The following TASP1 variants were observed in gnomAD, a reference collection of about 807,000 sequenced individuals.
TASP1 encodes the protein threonine aspartase 1.
A neutral mutation model predicts 56.6 loss-of-function variants in TASP1; 16 were observed. The observed-to-expected ratio is 0.28, with a 90% confidence interval of 0.19 to 0.43. TASP1 has a LOEUF of 0.43. Ranked by LOEUF, TASP1 falls within the 20% of genes least tolerant of loss-of-function variation. TASP1 has a pLI of 1.00. For missense variants in TASP1, 393 were observed against 511.6 expected (o/e 0.77, Z 2.24); for synonymous variants, 179 against 184.2 (o/e 0.97, Z 0.23).
chr20:13,512,987 C>T (rs1277433825), intron 10 of TASP1, among the ~76,000 whole-genome samples: 1 of 152,158 alleles, frequency 6.6e-6, no homozygotes, highest in African/African-American at 2.4e-5. Flanking sequence ...CAGTACCATG[C>T]TGTTTTGGTT....
chr20:13,484,881 C>G (rs1215050832), intron 10 of TASP1, among the ~76,000 whole-genome samples: 1 of 152,006 alleles, frequency 6.6e-6, no homozygotes. Context: ...AACACAGGAA[C>G]AGAAAACTAA....
intron 1 of TASP1, among the ~76,000 whole-genome samples, chr20:13,630,687 CAAAAAAA>C (rs33973259): frequency 6.1e-5 from 4 of 65,550 alleles, no homozygotes; most frequent in African/African-American, 1.7e-4. Flanking sequence ...AGCTCTGTCT[CAAAAAAA>C]AAAAAAAAAA....
At chr20:13,459,847 C>G (rs569378565) in intron 11 of TASP1, among the ~76,000 whole-genome samples, 1 of 152,224 alleles carries the variant, frequency 6.6e-6, no homozygotes, top group South Asian at 2.1e-4. Context: ...TTCTTGCCTC[C>G]TCAGGGACCT....
At chr20:13,427,723 T>G (rs189824912) in intron 12 of TASP1, among the ~76,000 whole-genome samples, 28 of 152,256 alleles carry the variant, frequency 1.8e-4, no homozygotes, top group Non-Finnish European at 3.5e-4. Context: ...TCCACAGGTG[T>G]TCATTTTATT....
At chr20:13,381,397 C>G in the TASP1 span, among the ~76,000 whole-genome samples, 1 of 152,200 alleles carries the variant, frequency 6.6e-6, no homozygotes, top group Non-Finnish European at 1.5e-5. Context: ...CCTTCATGGG[C>G]CATGCCCACT....
chr20:13,332,661 T>C, the TASP1 span, among the ~76,000 whole-genome samples: 2 of 152,328 alleles, frequency 1.3e-5, no homozygotes, highest in East Asian at 3.9e-4. Context: ...TAACTGGGGA[T>C]TAGTGATGAA....
In TASP1 at chr20:13,389,403, A is replaced by G. The variant is rs2041196492; in HGVS notation, c.*957T>C. The G allele has an allele frequency of 6.6e-6, 1 of 152,232 alleles. No homozygotes were observed. Among genetic ancestry groups the G allele is most frequent in the Non-Finnish European group, 1.5e-5 (1 of 68,042 alleles). 9.4% of individuals were successfully genotyped at this position (152,232 alleles called of 1,614,324 possible). A position where few individuals can be genotyped will look rare whatever the true frequency, so the allele number is the denominator to read the frequency against. ...TAATAGCTCTCTAACCAAGGATTCA[A>G]AAGATAATTTATTAGTCTGAGAAGA... On this transcript the variant is annotated 3_prime_UTR_variant, in exon 14 of 14. Transcript: ENST00000337743.
intron 7 of TASP1, among the ~76,000 whole-genome samples, chr20:13,563,100 G>A (rs1447532192): frequency 2.7e-5 from 4 of 149,950 alleles, no homozygotes; most frequent in Admixed American, 6.6e-5. Flanking sequence ...ATTTTTTTGA[G>A]ACAATGTATA....
intron 12 of TASP1, among the ~76,000 whole-genome samples, chr20:13,418,620 A>T (rs2042338591): frequency 6.6e-6 from 1 of 152,236 alleles, no homozygotes; most frequent in African/African-American, 2.4e-5. Context: ...TTGAAGAAGG[A>T]TGGGCTATTT....
At chr20:13,557,871 C>T (rs2046217976) in intron 8 of TASP1, among the ~76,000 whole-genome samples, 1 of 151,976 alleles carries the variant, frequency 6.6e-6, no homozygotes, top group African/African-American at 2.4e-5. Flanking sequence ...TGCACCTGGC[C>T]TATCATGAAT....
At chr20:13,477,920 G>A (rs570709786) in intron 11 of TASP1, among the ~76,000 whole-genome samples, 39 of 152,226 alleles carry the variant, frequency 2.6e-4, no homozygotes, top group South Asian at 8.3e-4. Flanking sequence ...GGTAATGCAA[G>A]TGGAAACAAA....
the TASP1 span, among the ~76,000 whole-genome samples, chr20:13,317,915 C>A: frequency 8.5e-5 from 1 of 11,750 alleles, no homozygotes; most frequent in South Asian, 7.4e-3. Context: ...ACCAAAGGCA[C>A]TATCCGTGGA....
the TASP1 span, among the ~76,000 whole-genome samples, chr20:13,189,632 A>G: frequency 6.6e-6 from 1 of 152,212 alleles, no homozygotes; most frequent in Admixed American, 6.5e-5. Context: ...CAGAATGGCT[A>G]TTATTAAATA....
the TASP1 span, chr20:13,117,600 G>A: frequency 1.9e-6 from 3 of 1,613,976 alleles, no homozygotes; most frequent in Non-Finnish European, 2.5e-6. Flanking sequence ...CAGTATTGGG[G>A]CCGTGGGCCC....
the TASP1 span, among the ~76,000 whole-genome samples, chr20:13,311,243 T>TAGATAGATGATA: frequency 0.022 from 2,865 of 127,808 alleles, 54 homozygotes; most frequent in East Asian, 0.075. Context: ...GATAGATAGA[T>TAGATAGATGATA]GATAGATAGA....
chr20:13,227,614 T>C, the TASP1 span, among the ~76,000 whole-genome samples: 507 of 151,704 alleles, frequency 3.3e-3, 8 homozygotes, highest in African/African-American at 0.012. Flanking sequence ...CTTCACGCCA[T>C]TCTCCTGCTT....
chr20:13,492,225 C>G (rs2043557790), intron 10 of TASP1, among the ~76,000 whole-genome samples: 1 of 152,204 alleles, frequency 6.6e-6, no homozygotes, highest in South Asian at 2.1e-4. Flanking sequence ...TGCTGCCATT[C>G]ACTCTCACTG....
intron 4 of TASP1, among the ~76,000 whole-genome samples, chr20:13,611,359 G>A (rs556356100): frequency 6.6e-6 from 1 of 152,274 alleles, no homozygotes; most frequent in African/African-American, 2.4e-5. Context: ...TTGGGTCACC[G>A]AGGTTTTTGA....
chr20:13,154,028 G>A, the TASP1 span: 125 of 1,614,078 alleles, frequency 7.7e-5, no homozygotes, highest in South Asian at 4.5e-4. Flanking sequence ...AGCAACTTGC[G>A]AAAAACACAA....
Sources: allele counts gnomAD v4.1 joint callset (sites outside exome capture counted in the v4.1 genomes callset), GRCh38; gene constraint gnomAD v4.1.1; transcripts MANE v1.5; gene names NCBI Gene and HGNC (gene_info 2026-07-23, HGNC 2026-07-21).